BICRAL: variants seen among roughly 807,000 people sequenced by gnomAD.
BICRAL encodes the protein BRD4-interacting chromatin-remodeling complex-associated protein-like.
A neutral mutation model predicts 91.8 loss-of-function variants in BICRAL; 8 were observed. The ratio of observed to expected loss-of-function variants is 0.09; its 90% confidence interval spans 0.05 to 0.16. The LOEUF is 0.16. Ranked by LOEUF, BICRAL falls within the 10% of genes least tolerant of loss-of-function variation. The pLI is 1.00. For synonymous variants in BICRAL, 445 were observed against 491.1 expected, an observed-to-expected ratio of 0.91 and a Z score of 1.24; for missense variants, 1,038 against 1,310.9, an observed-to-expected ratio of 0.79 and a Z score of 3.21.
At chr6:42,769,299 C>T (rs986171998) in intron 1 of BICRAL, among the ~76,000 whole-genome samples, 1 of 152,228 alleles carries the variant, frequency 6.6e-6, no homozygotes, top group African/African-American at 2.4e-5. Flanking sequence ...TTCAGTTCCT[C>T]ACCACATGGG....
At chr6:42,861,940 A>G (rs1367406830) in intron 11 of BICRAL, among the ~76,000 whole-genome samples, 2 of 152,218 alleles carry the variant, frequency 1.3e-5, no homozygotes, top group African/African-American at 4.8e-5. Context: ...TGAAGGTTGC[A>G]GAGAGCCAAG....
At chr6:42,787,485 G>A (rs549637100) in intron 1 of BICRAL, among the ~76,000 whole-genome samples, 1 of 152,108 alleles carries the variant, frequency 6.6e-6, no homozygotes, top group African/African-American at 2.4e-5. Flanking sequence ...CAAGCCCTGC[G>A]AGACTGGAGT....
Position 42,868,242 on chromosome 6 carries a change from C to T in BICRAL, c.*2796C>T, listed in dbSNP as rs920527902. On this transcript the variant is annotated 3_prime_UTR_variant, in exon 13 of 13. Coordinates refer to ENST00000314073, the MANE Select transcript of BICRAL (RefSeq NM_001393499.1). ...GTAGATTCTGTTAGATTAGGGAGGC[C>T]TTACAGACTGACTTTACTTAAAGAG... 1.3e-5 allele frequency: 2 copies of T among 152,366 alleles called. No homozygotes were observed. The highest frequency in any genetic ancestry group is 2.4e-5 in the African/African-American group (1 of 41,370). 9.4% of individuals were successfully genotyped at this position (152,366 alleles called of 1,614,324 possible). A position where few individuals can be genotyped will look rare whatever the true frequency, so the allele number is the denominator to read the frequency against.
upstream of BICRAL, among the ~76,000 whole-genome samples, chr6:42,779,999 C>T (rs1384079699): frequency 2.6e-5 from 4 of 152,192 alleles, no homozygotes; most frequent in African/African-American, 9.7e-5. Context: ...CTTATGGGCT[C>T]AAGCAGTCGT....
At chr6:42,827,710 T>A (rs1323156371) in intron 5 of BICRAL, among the ~76,000 whole-genome samples, 1 of 151,948 alleles carries the variant, frequency 6.6e-6, no homozygotes, top group Non-Finnish European at 1.5e-5. Context: ...TGAAACCCCA[T>A]CTCTAAAAAC....
intron 1 of BICRAL, among the ~76,000 whole-genome samples, chr6:42,772,396 C>T (rs1762751089): frequency 6.6e-6 from 1 of 152,030 alleles, no homozygotes; most frequent in Non-Finnish European, 1.5e-5. Flanking sequence ...GAATGGTGGA[C>T]TTGTGCCACA....
chr6:42,783,660 C>T (rs1763008740), intron 1 of BICRAL, among the ~76,000 whole-genome samples: 2 of 152,226 alleles, frequency 1.3e-5, no homozygotes, highest in Admixed American at 1.3e-4. Flanking sequence ...CCCCACGCCC[C>T]CAGACCCAAA....
intron 6 of BICRAL, among the ~76,000 whole-genome samples, chr6:42,845,909 A>C (rs927783580): frequency 2.3e-5 from 1 of 43,856 alleles, no homozygotes; most frequent in Admixed American, 1.6e-4. Context: ...TAAAAATACA[A>C]AAAAAAAAAA....
chr6:42,776,384 G>A (rs909756018), intron 1 of BICRAL, among the ~76,000 whole-genome samples: 8 of 151,256 alleles, frequency 5.3e-5, no homozygotes, highest in Non-Finnish European at 1.2e-4. Flanking sequence ...GTCTTGCTCT[G>A]TCGCCCAGGC....
chr6:42,770,775 C>G (rs1458758106), intron 1 of BICRAL, among the ~76,000 whole-genome samples: 1 of 151,812 alleles, frequency 6.6e-6, no homozygotes, highest in Non-Finnish European at 1.5e-5. Flanking sequence ...ACTGTAGCCT[C>G]CACCTCCCGA....
chr6:42,746,669 CT>C (rs1221571090), upstream of BICRAL, among the ~76,000 whole-genome samples: 1 of 152,060 alleles, frequency 6.6e-6, no homozygotes, highest in African/African-American at 2.4e-5. Context: ...TCCACCACCC[CT>C]TCCCCCAACC....
At chr6:42,845,208 T>C (rs867776063) in intron 6 of BICRAL, among the ~76,000 whole-genome samples, 1 of 39,696 alleles carries the variant, frequency 2.5e-5, no homozygotes, top group Admixed American at 2.5e-4. Context: ...TTTTTTTTTT[T>C]TTTTTTTTTT....
At chr6:42,830,773 A>G (rs1222890048) in intron 6 of BICRAL, among the ~76,000 whole-genome samples, 1 of 151,930 alleles carries the variant, frequency 6.6e-6, no homozygotes, top group Non-Finnish European at 1.5e-5. Flanking sequence ...ATACCAGCAC[A>G]CCTAACTAGT....
intron 2 of BICRAL, among the ~76,000 whole-genome samples, chr6:42,819,273 A>G (rs574759625): frequency 6.6e-6 from 1 of 152,072 alleles, no homozygotes; most frequent in East Asian, 1.9e-4. Flanking sequence ...CGTTTTATTT[A>G]TTTTTATTTT....
At chr6:42,770,830 C>T (rs1762708445) in intron 1 of BICRAL, among the ~76,000 whole-genome samples, 1 of 151,752 alleles carries the variant, frequency 6.6e-6, no homozygotes, top group Non-Finnish European at 1.5e-5. Context: ...AGCTGGGATT[C>T]CAGGTGCCCG....
chr6:42,832,849 C>T (rs1473087923), intron 6 of BICRAL, among the ~76,000 whole-genome samples: 1 of 152,036 alleles, frequency 6.6e-6, no homozygotes, highest in African/African-American at 2.4e-5. Context: ...GGGCATTCTC[C>T]TACATAACCA....
At chr6:42,860,117 G>T in intron 10 of BICRAL, 145 bp from the exon 11 acceptor site, 1 of 587,282 alleles carries the variant, frequency 1.7e-6, no homozygotes, top group Admixed American at 2.8e-5. Context: ...CTTAGCCGGG[G>T]AAAAGCTCAT....
chr6:42,747,533 C>A (rs1762298311), intron 1 of BICRAL, among the ~76,000 whole-genome samples: 1 of 152,192 alleles, frequency 6.6e-6, no homozygotes, highest in Non-Finnish European at 1.5e-5. Context: ...TCCTTTCCTT[C>A]CCACTTAAAA....
intron 1 of BICRAL, among the ~76,000 whole-genome samples, chr6:42,794,892 C>T (rs185345961): frequency 4.3e-4 from 65 of 150,378 alleles, no homozygotes; most frequent in Non-Finnish European, 8.3e-4. Flanking sequence ...ACCCGGGAGG[C>T]GGAGGTTACA....
Sources: allele counts gnomAD v4.1 joint callset (sites outside exome capture counted in the v4.1 genomes callset), GRCh38; gene constraint gnomAD v4.1.1; transcripts MANE v1.5; gene names NCBI Gene and HGNC (gene_info 2026-07-23, HGNC 2026-07-21).